DLG2: variants seen among roughly 807,000 people sequenced by gnomAD.
DLG2 encodes the protein disks large homolog 2.
In DLG2, 45 loss-of-function variants were observed where a neutral mutation model predicts 132.5. The observed-to-expected ratio is 0.34, with a 90% confidence interval of 0.27 to 0.44. DLG2 has a LOEUF of 0.44. DLG2 is among the 20% of genes least tolerant of loss of function. The probability of loss-of-function intolerance (pLI) is 1.00; values close to 1 mark genes in which losing one functional copy is unlikely to be tolerated. For synonymous variants in DLG2, 424 were observed against 419.6 expected (o/e 1.01, Z -0.13); for missense variants, 1,045 against 1,196.9 (o/e 0.87, Z 1.87).
intron 19 of DLG2, among the ~76,000 whole-genome samples, chr11:83,599,642 G>T (rs2058198048): frequency 6.6e-6 from 1 of 152,064 alleles, no homozygotes; most frequent in African/African-American, 2.4e-5. Context: ...AATTACCTGT[G>T]TAACTCCCAC....
chr11:85,486,723 C>A (rs753458260), intron 3 of DLG2, among the ~76,000 whole-genome samples: 2 of 152,052 alleles, frequency 1.3e-5, no homozygotes, highest in Non-Finnish European at 2.9e-5. Flanking sequence ...GGTTGCTTTA[C>A]CACTGCTACT....
At chr11:84,624,145 C>T (rs1021587177) in intron 6 of DLG2, among the ~76,000 whole-genome samples, 2 of 152,130 alleles carry the variant, frequency 1.3e-5, no homozygotes, top group African/African-American at 2.4e-5. Flanking sequence ...CGGGAGGTGA[C>T]ATCTAGGTTC....
chr11:83,684,557 T>C (rs368338761), intron 18 of DLG2: 1 of 152,280 alleles, frequency 6.6e-6, no homozygotes, highest in Admixed American at 6.5e-5. Flanking sequence ...GTAAGAAATA[T>C]AATTGGAGGT....
chr11:84,167,575 T>C (rs1031213367), intron 8 of DLG2, among the ~76,000 whole-genome samples: 2 of 152,210 alleles, frequency 1.3e-5, no homozygotes, highest in African/African-American at 4.8e-5. Context: ...TTCATTGGAA[T>C]CTTAAATAAT....
intron 6 of DLG2, among the ~76,000 whole-genome samples, chr11:84,871,667 G>C (rs2085474502): frequency 6.6e-6 from 1 of 151,994 alleles, no homozygotes; most frequent in Non-Finnish European, 1.5e-5. Context: ...AACTGAATTA[G>C]ATTCATATGC....
At chr11:85,411,691 T>C (rs2089324676) in intron 3 of DLG2, among the ~76,000 whole-genome samples, 1 of 151,894 alleles carries the variant, frequency 6.6e-6, no homozygotes, top group South Asian at 2.1e-4. Flanking sequence ...AAATGATAGA[T>C]GATACATTTA....
intron 7 of DLG2, among the ~76,000 whole-genome samples, chr11:84,524,507 G>C (rs1042784430): frequency 6.6e-6 from 1 of 152,164 alleles, no homozygotes; most frequent in Non-Finnish European, 1.5e-5. Context: ...ACTAGTCCTG[G>C]AACACAATGT....
intron 19 of DLG2, among the ~76,000 whole-genome samples, chr11:83,558,237 C>G (rs1260191634): frequency 1.3e-5 from 2 of 152,176 alleles, no homozygotes; most frequent in Admixed American, 1.3e-4. Context: ...TTCAGAATCT[C>G]ATACATTTAA....
chr11:84,887,824 G>A (rs990601656), intron 6 of DLG2, among the ~76,000 whole-genome samples: 1 of 121,530 alleles, frequency 8.2e-6, no homozygotes, highest in Admixed American at 8.2e-5. Flanking sequence ...AGAGACTATC[G>A]ATTCCCTGAG....
At chr11:84,118,631 T>A (rs576337183) in intron 9 of DLG2, among the ~76,000 whole-genome samples, 32 of 152,326 alleles carry the variant, frequency 2.1e-4, no homozygotes, top group African/African-American at 7.7e-4. Flanking sequence ...AGGTATATAT[T>A]TCTTTTAGAA....
intron 7 of DLG2, among the ~76,000 whole-genome samples, chr11:84,436,870 A>C (rs1318300995): frequency 6.6e-6 from 1 of 152,202 alleles, no homozygotes; most frequent in African/African-American, 2.4e-5. Flanking sequence ...ACGATGGCTT[A>C]GTGATAAGAT....
intron 26 of DLG2, among the ~76,000 whole-genome samples, chr11:83,466,171 T>G (rs1051173992): frequency 6.6e-6 from 1 of 152,172 alleles, no homozygotes; most frequent in African/African-American, 2.4e-5. Flanking sequence ...AAAGTTTTAA[T>G]TAAGGAACAT....
At chr11:84,233,067 T>TTTCCTC (rs2097114044) in intron 8 of DLG2, among the ~76,000 whole-genome samples, 1 of 152,142 alleles carries the variant, frequency 6.6e-6, no homozygotes, top group East Asian at 1.9e-4. Context: ...TAAAAAACGA[T>TTTCCTC]AGCTTCCTCC....
chr11:84,801,720 A>G (rs896949359), intron 6 of DLG2, among the ~76,000 whole-genome samples: 2 of 152,346 alleles, frequency 1.3e-5, no homozygotes, highest in Non-Finnish European at 2.9e-5. Flanking sequence ...TGTGATCATC[A>G]TAAGACATAA....
rs11389028 is a variant in DLG2 at position 85,031,947 on chromosome 11, CTTT to C, written c.357+79711_357+79713del. On this transcript the variant is annotated intron_variant, in intron 6 of 27. Coordinates refer to ENST00000376104, the MANE Select transcript of DLG2 (RefSeq NM_001142699.3). ...TACAAGTGTGTACCCTGACAACTGG[CTTT>C]TTTTTTTTTTTTTTTTTTTTTTTGT... 4.1e-4 allele frequency among the ~76,000 whole-genome samples: 21 copies of C among 51,848 alleles called. No individual in the cohort carries two copies. In the East Asian group the frequency reaches 8.7e-3, roughly 22 times the overall value. The allele number at this position is 51,848 out of a possible 152,430, so 34.0% of individuals were successfully genotyped here.
At chr11:84,393,457 G>T (rs2098800060) in intron 7 of DLG2, among the ~76,000 whole-genome samples, 1 of 152,020 alleles carries the variant, frequency 6.6e-6, no homozygotes, top group Non-Finnish European at 1.5e-5. Flanking sequence ...TTTCTTTATA[G>T]ATTTTGCCAT....
At chr11:83,964,806 T>A (rs756704551) in intron 13 of DLG2, among the ~76,000 whole-genome samples, 1 of 151,932 alleles carries the variant, frequency 6.6e-6, no homozygotes, top group African/African-American at 2.4e-5. Flanking sequence ...GACTGATAAT[T>A]TTCTCCAGCT....
chr11:83,464,476 A>G (rs549459547), intron 26 of DLG2, among the ~76,000 whole-genome samples: 10 of 152,358 alleles, frequency 6.6e-5, no homozygotes, highest in Admixed American at 1.3e-4. Flanking sequence ...CTGTAAAGTA[A>G]ACATCCAACC....
chr11:83,810,179 G>A (rs1014151826), intron 17 of DLG2, among the ~76,000 whole-genome samples: 4 of 151,998 alleles, frequency 2.6e-5, no homozygotes, highest in African/African-American at 4.8e-5. Flanking sequence ...CTGAGAACAA[G>A]TCCACCTGAG....
Sources: gnomAD v4.1 joint callset for allele counts (sites outside exome capture counted in the v4.1 genomes callset) on GRCh38, gnomAD v4.1.1 for gene constraint, MANE v1.5 for transcripts, NCBI Gene and HGNC (gene_info 2026-07-23, HGNC 2026-07-21) for gene names.